Variants in PCDHGA4 observed in about 807,000 individuals in gnomAD.
PCDHGA4 encodes protocadherin gamma-A4.
A neutral mutation model predicts 54.6 loss-of-function variants in PCDHGA4; 38 were observed. The observed-to-expected ratio is 0.70, with a 90% CI of 0.54 to 0.91. PCDHGA4 has a LOEUF of 0.91. PCDHGA4 is among the 40% of genes least tolerant of loss of function. PCDHGA4 has a pLI of 0.00. For missense variants in PCDHGA4, 1,298 were observed against 1,220.9 expected (o/e 1.06, Z -0.94); for synonymous variants, 511 against 512.9 (o/e 1.00, Z 0.05).
At chr5:141,421,283 T>G (rs2096560959) in intron 1 of PCDHGA4, 4 of 1,612,952 alleles carry the variant, frequency 2.5e-6, no homozygotes, top group Non-Finnish European at 3.4e-6. Flanking sequence ...CTGCTGTGCA[T>G]TTTCCTGGGG....
intron 1 of PCDHGA4, chr5:141,413,590 G>A (rs759901330): frequency 1.2e-6 from 2 of 1,613,886 alleles, no homozygotes; most frequent in Non-Finnish European, 1.7e-6. Flanking sequence ...AAAATTCCAA[G>A]CAGAAAATCT....
chr5:141,475,899 T>A, intron 1 of PCDHGA4: 1 of 574,766 alleles, frequency 1.7e-6, no homozygotes. Flanking sequence ...TGTGTGCCGC[T>A]GTCGGCCAAT....
chr5:141,409,203 T>TC, intron 1 of PCDHGA4: 1 of 1,613,964 alleles, frequency 6.2e-7, no homozygotes, highest in Non-Finnish European at 8.5e-7. Context: ...TGTAAAGTAA[T>TC]CATAGAAATC....
In PCDHGA4 at chr5:141,510,929, C is replaced by T. The variant is rs1238694958; in HGVS notation, c.2663-18C>T. The T allele has an allele frequency of 3.1e-6, 5 of 1,613,988 alleles. No homozygotes were observed. The highest frequency in any genetic ancestry group is 4.2e-6 in the Non-Finnish European group (5 of 1,179,988). On this transcript the variant is annotated intron_variant, in intron 3 of 3. Coordinates refer to ENST00000571252, the MANE Select transcript of PCDHGA4 (RefSeq NM_018917.4). ...ACCCTAAGTTTAGCTCCCACCTGAT[C>T]TTCCTCTGTCTCTGCAGAAGCTGCT...
intron 1 of PCDHGA4, chr5:141,428,210 A>T: frequency 7.7e-7 from 1 of 1,293,350 alleles, no homozygotes; most frequent in Non-Finnish European, 1.1e-6. Flanking sequence ...GCTACGCTTC[A>T]CCTAGTCTTC....
intron 1 of PCDHGA4, chr5:141,393,282 G>A (rs2150516370): frequency 1.2e-6 from 2 of 1,613,980 alleles, no homozygotes; most frequent in Non-Finnish European, 1.7e-6. Context: ...ACTCCCAGAA[G>A]CTGTTGACCC....
intron 1 of PCDHGA4, chr5:141,379,090 T>C (rs1029371266): frequency 6.6e-6 from 1 of 152,210 alleles, no homozygotes; most frequent in Non-Finnish European, 1.5e-5. Context: ...GTTATGAATG[T>C]GTAAGAAAAA....
intron 1 of PCDHGA4, among the ~76,000 whole-genome samples, chr5:141,433,766 G>A (rs2097649774): frequency 6.6e-6 from 1 of 151,888 alleles, no homozygotes; most frequent in South Asian, 2.1e-4. Flanking sequence ...TAACCTGGGA[G>A]GTGGAGGTTG....
Position 141,489,784 on chromosome 5 carries a change from G to A in PCDHGA4, c.2515-5023G>A. 1 of 1,614,218 alleles carries A rather than the reference G, an allele frequency of 6.2e-7. No individual in the cohort carries two copies. Among genetic ancestry groups the A allele is most frequent in the Non-Finnish European group, 8.5e-7 (1 of 1,180,010 alleles). On this transcript the variant is annotated intron_variant, in intron 1 of 3. Transcript: ENST00000571252. This position sits in a 1 kb window ranked among gnomAD's most constrained non-coding sequence, Gnocchi z 4.5. ...CCCCAACAGCCACTTCTCTCTGAAT[G>A]TGAAGACCCTAAAAGATGGGAAGCC...
chr5:141,431,114 G>T lies in PCDHGA4; in HGVS notation c.2515-63693G>T. On this transcript the variant is annotated intron_variant, in intron 1 of 3. Coordinates refer to ENST00000571252, the MANE Select transcript of PCDHGA4 (RefSeq NM_018917.4). This position sits in a 1 kb window ranked among gnomAD's most constrained non-coding sequence, Gnocchi z 4.8. The stretch of plus-strand genomic sequence containing the variant: ...GGAGGATAAAGTGAAAATATATGGA[G>T]TAGAAGTAGAAGTAAGGGACATTAA... 6.2e-7 allele frequency: 1 copy of T among 1,614,158 alleles called. No individual in the cohort carries two copies.
chr5:141,409,938 C>T (rs754052398), intron 1 of PCDHGA4: 114 of 1,613,200 alleles, frequency 7.1e-5, no homozygotes, highest in Admixed American at 4.3e-4. Flanking sequence ...GATATGGTAC[C>T]TCGCTCTGCA....
intron 1 of PCDHGA4, chr5:141,366,068 C>T: frequency 6.2e-7 from 1 of 1,614,238 alleles, no homozygotes; most frequent in Admixed American, 1.7e-5. Flanking sequence ...GCTGGCGCCT[C>T]GCTCCGCAGA....
chr5:141,364,628 C>T (rs1484570270), intron 1 of PCDHGA4: 17 of 1,613,958 alleles, frequency 1.1e-5, no homozygotes, highest in Non-Finnish European at 1.1e-5. Flanking sequence ...CGCTCAGAGC[C>T]CACTGTGTGT....
In PCDHGA4 at chr5:141,491,081, C is replaced by T; in HGVS notation, c.2515-3726C>T. The T allele has an allele frequency of 6.2e-7, 1 of 1,614,176 alleles. No individual in the cohort carries two copies. The highest frequency in any genetic ancestry group is 8.5e-7 in the Non-Finnish European group (1 of 1,180,010). On this transcript the variant is annotated intron_variant, in intron 1 of 3. Coordinates refer to ENST00000571252, the MANE Select transcript of PCDHGA4 (RefSeq NM_018917.4). The surrounding 1 kb of genome is among the most constrained non-coding windows in gnomAD (Gnocchi z 6.9). Reference sequence around the variant, plus strand: ...TCCTACTCACTGTTGCCACAGTCCACAGCCCCAGGACTGTTCCTCGTGTCT... The same window carrying T: ...TCCTACTCACTGTTGCCACAGTCCATAGCCCCAGGACTGTTCCTCGTGTCT...
intron 3 of PCDHGA4, among the ~76,000 whole-genome samples, chr5:141,506,444 C>CA (rs1219684339): frequency 0.017 from 1,570 of 94,842 alleles, 20 homozygotes; most frequent in African/African-American, 0.048. Flanking sequence ...CGCTCTGTCT[C>CA]AAAAAAAAAA....
chr5:141,355,215 T>G lies in PCDHGA4; in HGVS notation c.108T>G (p.Pro36=). Residue 36 remains proline (P), a synonymous_variant, in exon 1 of 4, where the codon CCT becomes CCG. Coordinates refer to ENST00000571252, the MANE Select transcript of PCDHGA4 (RefSeq NM_018917.4). ...GCGGGGTTGTAATGGCGGCGCCTCC[T>G]GCTCGCCCAGACCACACCCGGCTGC... ...LRGGVVMAAP[P]ARPDHTRLLQ... 6.2e-7 allele frequency: 1 copy of G among 1,603,504 alleles called. No homozygotes were observed. Among genetic ancestry groups the G allele is most frequent in the South Asian group, 1.1e-5 (1 of 90,558 alleles).
intron 1 of PCDHGA4, chr5:141,389,864 G>A: frequency 6.2e-7 from 1 of 1,614,058 alleles, no homozygotes; most frequent in Non-Finnish European, 8.5e-7. Flanking sequence ...CGTTGCACCT[G>A]GTCTTCGCCG....
intron 1 of PCDHGA4, chr5:141,383,530 G>A: frequency 6.2e-7 from 1 of 1,612,674 alleles, no homozygotes; most frequent in Non-Finnish European, 8.5e-7. Flanking sequence ...TCACCACCTG[G>A]TCCTCACAGC....
chr5:141,465,454 T>G (rs1031876441), intron 1 of PCDHGA4, among the ~76,000 whole-genome samples: 1 of 152,184 alleles, frequency 6.6e-6, no homozygotes, highest in African/African-American at 2.4e-5. Context: ...AAGAAAACTC[T>G]CACCAAATTG....
Sources: allele counts gnomAD v4.1 joint callset (sites outside exome capture counted in the v4.1 genomes callset), GRCh38; gene constraint gnomAD v4.1.1; non-coding constraint Gnocchi (gnomAD v3.1); transcripts MANE v1.5; gene names NCBI Gene and HGNC (gene_info 2026-07-23, HGNC 2026-07-21).